SEMA5A: variants seen among roughly 807,000 people sequenced by gnomAD.
SEMA5A encodes semaphorin-5A.
A neutral mutation model predicts 135.5 loss-of-function variants in SEMA5A; 55 were observed. That is an observed-to-expected ratio of 0.41 (90% CI 0.33 to 0.51). SEMA5A has a LOEUF of 0.51. Among genes scored for constraint, SEMA5A ranks in the 20% least tolerant of loss-of-function variants. The pLI is 0.37. For synonymous variants in SEMA5A, 580 were observed against 546.5 expected, an observed-to-expected ratio of 1.06 and a Z score of -0.85; for missense variants, 1,290 against 1,419.9, an observed-to-expected ratio of 0.91 and a Z score of 1.47.
intron 16 of SEMA5A, among the ~76,000 whole-genome samples, chr5:9,085,312 G>A (rs1738618369): frequency 6.6e-6 from 1 of 152,178 alleles, no homozygotes; most frequent in Non-Finnish European, 1.5e-5. Context: ...GTGTCTCCAG[G>A]GCAGGTCAGA....
At chr5:9,139,380 C>T (rs868088880) in intron 12 of SEMA5A, among the ~76,000 whole-genome samples, 29 of 152,174 alleles carry the variant, frequency 1.9e-4, no homozygotes, top group African/African-American at 6.3e-4. Flanking sequence ...TGCTGCCTCA[C>T]CCTGTTACAC....
chr5:9,337,456 G>A (rs995367726), intron 4 of SEMA5A, among the ~76,000 whole-genome samples: 3 of 152,176 alleles, frequency 2.0e-5, no homozygotes, highest in African/African-American at 7.2e-5. Context: ...GGTTTGAATG[G>A]AGGAACAAAT....
At chr5:9,410,803 T>C (rs1409945378) in intron 2 of SEMA5A, among the ~76,000 whole-genome samples, 1 of 151,662 alleles carries the variant, frequency 6.6e-6, no homozygotes, top group Non-Finnish European at 1.5e-5. Context: ...AACCTGCACA[T>C]TCTGAATATG....
At chr5:9,280,747 G>T in intron 5 of SEMA5A, 1 of 357,700 alleles carries the variant, frequency 2.8e-6, no homozygotes, top group Non-Finnish European at 5.6e-6. Context: ...AGTTAACCAG[G>T]CTTGCTAAGA....
At chr5:9,539,210 G>T (rs552214907) in intron 1 of SEMA5A, among the ~76,000 whole-genome samples, 1 of 152,284 alleles carries the variant, frequency 6.6e-6, no homozygotes, top group East Asian at 1.9e-4. Context: ...GAAATACATG[G>T]TGTGTGGTCT....
chr5:9,494,193 AG>A (rs1331916091), intron 1 of SEMA5A, among the ~76,000 whole-genome samples: 1 of 152,190 alleles, frequency 6.6e-6, no homozygotes, highest in African/African-American at 2.4e-5. Flanking sequence ...ATGTAATTTA[AG>A]ATCTTGGCCT....
At chr5:9,245,092 A>T (rs1023318284) in intron 5 of SEMA5A, among the ~76,000 whole-genome samples, 1 of 152,204 alleles carries the variant, frequency 6.6e-6, no homozygotes, top group African/African-American at 2.4e-5. Flanking sequence ...CTGAAGTTCA[A>T]AAATATGAAA....
At position 9,276,609 on chromosome 5, in the gene SEMA5A, C is replaced by T. The variant is rs150763464; in HGVS notation, c.271-38719G>A. Among the ~76,000 whole-genome samples the T allele has an allele frequency of 3.0e-3, 457 of 151,974 alleles. 7 individuals are homozygous for T. The highest frequency in any genetic ancestry group is 0.011 in the African/African-American group (436 of 41,448). ...ACAGTATGGTACTGGTACCAAAACA[C>T]ATATATATATACCAATGGAACAGAA... On this transcript the variant is annotated intron_variant, in intron 5 of 22. Transcript: ENST00000382496.
chr5:9,445,324 A>G (rs1479295362), intron 1 of SEMA5A, among the ~76,000 whole-genome samples: 2 of 152,036 alleles, frequency 1.3e-5, no homozygotes, highest in Admixed American at 6.5e-5. Flanking sequence ...CATATTTACC[A>G]AGAACATTTA....
chr5:9,502,310 T>C (rs1450934385), intron 1 of SEMA5A, among the ~76,000 whole-genome samples: 2 of 152,172 alleles, frequency 1.3e-5, no homozygotes, highest in Non-Finnish European at 2.9e-5. Context: ...AGCCAACTAT[T>C]TGCAACATGA....
At chr5:9,202,280 A>C (rs781720445) in intron 8 of SEMA5A, 40 bp from the exon 9 acceptor site, 16 of 1,594,510 alleles carry the variant, frequency 1.0e-5, no homozygotes, top group Non-Finnish European at 1.4e-5. Context: ...CTCAACATTC[A>C]TGTCATTCCC....
chr5:9,249,733 G>C (rs898512448), intron 5 of SEMA5A, among the ~76,000 whole-genome samples: 1 of 152,202 alleles, frequency 6.6e-6, no homozygotes, highest in East Asian at 1.9e-4. Flanking sequence ...TAGGGATCTG[G>C]AGATGGATGA....
intron 5 of SEMA5A, among the ~76,000 whole-genome samples, chr5:9,263,804 T>A (rs1164793868): frequency 6.6e-6 from 1 of 152,226 alleles, no homozygotes; most frequent in Non-Finnish European, 1.5e-5. Flanking sequence ...CTAAAGAAGA[T>A]GTTCTCATGG....
At chr5:9,376,972 T>C (rs1372108937) in intron 3 of SEMA5A, among the ~76,000 whole-genome samples, 1 of 152,140 alleles carries the variant, frequency 6.6e-6, no homozygotes, top group African/African-American at 2.4e-5. Flanking sequence ...AAATATTACA[T>C]AATGTTTACA....
Position 9,190,416 on chromosome 5 carries a change from T to A in SEMA5A, c.1124A>T (p.Asp375Val), listed in dbSNP as rs1745039607. The A allele has an allele frequency of 6.2e-7, 1 of 1,613,842 alleles. No individual in the cohort carries two copies. Among genetic ancestry groups the A allele is most frequent in the Non-Finnish European group, 8.5e-7 (1 of 1,180,022 alleles). Reference sequence around the variant, plus strand: ...ATGCATCAGAATGAACTTCTGAGCATCCTGCAGATTTCTCTCGGTCAGGTT... The same window carrying A: ...ATGCATCAGAATGAACTTCTGAGCAACCTGCAGATTTCTCTCGGTCAGGTT... ...YVNLTERNLQ[D>V]AQKFILMHEV... The change falls in exon 11 of 23, where the codon GAT (aspartate) becomes GTT (valine). Residue 375 changes from aspartate to valine, a missense_variant. Physicochemically the swap from Asp to Val is radical, Grantham distance 152 (BLOSUM62 -3). Coordinates refer to ENST00000382496, the MANE Select transcript of SEMA5A (RefSeq NM_003966.3).
chr5:9,183,013 G>A (rs897417681), intron 11 of SEMA5A, among the ~76,000 whole-genome samples: 13 of 152,090 alleles, frequency 8.5e-5, no homozygotes, highest in African/African-American at 3.1e-4. Context: ...AAACTCTACA[G>A]GGTTGAATGA....
At chr5:9,386,466 T>TC (rs1038885074) in intron 2 of SEMA5A, among the ~76,000 whole-genome samples, 1 of 152,176 alleles carries the variant, frequency 6.6e-6, no homozygotes, top group African/African-American at 2.4e-5. Flanking sequence ...TTCCCTGTGG[T>TC]CCCTCTCACC....
In SEMA5A at chr5:9,044,609, G is replaced by T. The variant is rs1266334839; in HGVS notation, c.2894-25C>A. On this transcript the variant is annotated intron_variant, in intron 21 of 22. Coordinates refer to ENST00000382496, the MANE Select transcript of SEMA5A (RefSeq NM_003966.3). ...TCTAGGGAGACATGAGCAAAGTGAT[G>T]CCACACTTGAAAAGAACATCCTGCC... 1.3e-5 allele frequency: 21 copies of T among 1,593,510 alleles called. No homozygotes were observed. The African/African-American group carries it at 2.5e-4, about 19-fold the overall frequency.
At chr5:9,305,428 T>G (rs1751811550) in intron 5 of SEMA5A, among the ~76,000 whole-genome samples, 1 of 152,076 alleles carries the variant, frequency 6.6e-6, no homozygotes, top group African/African-American at 2.4e-5. Flanking sequence ...TTATTTAATT[T>G]GGTTCACTCT....
Sources: allele counts gnomAD v4.1 joint callset (sites outside exome capture counted in the v4.1 genomes callset), GRCh38; gene constraint gnomAD v4.1.1; transcripts MANE v1.5; gene names NCBI Gene and HGNC (gene_info 2026-07-23, HGNC 2026-07-21).